Variants in PANK2 observed in about 807,000 individuals in gnomAD.
The protein encoded by PANK2 is pantothenate kinase 2, mitochondrial.
Under a neutral mutation model 43.1 loss-of-function variants are expected in PANK2, and 36 were observed. The observed-to-expected ratio is 0.84, with a 90% CI of 0.64 to 1.10. The LOEUF (loss-of-function observed/expected upper bound fraction) is 1.10. Among genes scored for constraint, PANK2 ranks in the 50% least tolerant of loss-of-function variants. The pLI is 0.00. For synonymous variants in PANK2, 281 were observed against 238.2 expected (o/e 1.18, Z -1.66); for missense variants, 576 against 593.3 (o/e 0.97, Z 0.30).
intron 3 of PANK2, among the ~76,000 whole-genome samples, chr20:3,911,667 G>A (rs1196779668): frequency 6.6e-6 from 1 of 151,564 alleles, no homozygotes; most frequent in African/African-American, 2.4e-5. Flanking sequence ...CGAGGCGGGT[G>A]GATCACCAGA....
At chr20:3,901,766 CTT>C (rs1265075482) in intron 1 of PANK2, 4 of 256,480 alleles carry the variant, frequency 1.6e-5, no homozygotes, top group Non-Finnish European at 2.4e-5. Flanking sequence ...TAGAGAAGGT[CTT>C]TGAAAAGTAA....
chr20:3,926,488 G>T lies in PANK2; in HGVS notation c.*3194G>T, dbSNP rs2090721836. On this transcript the variant is annotated 3_prime_UTR_variant, in exon 7 of 7. Coordinates refer to ENST00000610179, the MANE Select transcript of PANK2 (RefSeq NM_001386393.1). ...GAAGCTGGGAAGCCACTCGGTCCTA[G>T]TGAGGGGTGGTGAGGAGAGCAGCAA... 6.6e-6 allele frequency: 1 copy of T among 152,340 alleles called. No individual in the cohort carries two copies. The highest frequency in any genetic ancestry group is 1.5e-5 in the Non-Finnish European group (1 of 68,130). 9.4% of individuals were successfully genotyped at this position (152,340 alleles called of 1,614,324 possible).
At chr20:3,913,888 A>C (rs1285370234) in intron 4 of PANK2, among the ~76,000 whole-genome samples, 1 of 150,246 alleles carries the variant, frequency 6.7e-6, no homozygotes, top group Non-Finnish European at 1.5e-5. Context: ...TCCTGGGTTC[A>C]TGCCATTCTT....
intron 5 of PANK2, chr20:3,917,585 C>T (rs6139239): frequency 3.9e-6 from 2 of 514,258 alleles, no homozygotes; most frequent in African/African-American, 3.9e-5. Flanking sequence ...ATGGGCTGCC[C>T]TTGGGAAAAG....
chr20:3,927,538 G>A lies in PANK2; in HGVS notation c.*4244G>A, dbSNP rs1301308580. ...AGCATTTCATAAACCTTTTTTTGAG[G>A]GAGTTACACAATACCTAGTGAGGAA... On this transcript the variant is annotated 3_prime_UTR_variant, in exon 7 of 7. Coordinates refer to ENST00000610179, the MANE Select transcript of PANK2 (RefSeq NM_001386393.1). 1 of 151,976 alleles carries A rather than the reference G, an allele frequency of 6.6e-6. No homozygotes were observed. The highest frequency in any genetic ancestry group is 2.4e-5 in the African/African-American group (1 of 41,394). The allele number at this position is 151,976 out of a possible 1,614,324, so 9.4% of individuals were successfully genotyped here. A position where few individuals can be genotyped will look rare whatever the true frequency, so the allele number is the denominator to read the frequency against.
At position 3,909,432 on chromosome 20, in the gene PANK2, T is replaced by C. The variant is rs529218995; in HGVS notation, c.652-1145T>C. ...TTTTAGTAGAGATGGGGTTTCACCA[T>C]GTTGTCCAGGCTGGTCTGGAACACC... On this transcript the variant is annotated intron_variant, in intron 2 of 6. Coordinates refer to ENST00000610179, the MANE Select transcript of PANK2 (RefSeq NM_001386393.1). 2.0e-3 allele frequency among the ~76,000 whole-genome samples: 307 copies of C among 152,296 alleles called. 2 individuals carry two copies. Among genetic ancestry groups the C allele is most frequent in the Admixed American group, 3.4e-3 (52 of 15,290 alleles).
intron 1 of PANK2, chr20:3,889,994 T>G: frequency 2.2e-6 from 3 of 1,374,990 alleles, no homozygotes; most frequent in Non-Finnish European, 9.8e-7. Flanking sequence ...TCCCTTTTCT[T>G]AGCTCCTTGG....
intron 1 of PANK2, among the ~76,000 whole-genome samples, chr20:3,906,932 G>A (rs186719164): frequency 4.9e-4 from 75 of 151,914 alleles, no homozygotes; most frequent in Admixed American, 1.2e-3. Context: ...CGGAGTAGCT[G>A]GGACTACAAG....
intron 6 of PANK2, chr20:3,921,598 CTG>C (rs1424026373): frequency 6.6e-6 from 1 of 152,218 alleles, no homozygotes; most frequent in Non-Finnish European, 1.5e-5. Flanking sequence ...AGCCTTGCCT[CTG>C]TATTTCAGCT....
At chr20:3,904,004 C>G (rs543541351) in intron 1 of PANK2, among the ~76,000 whole-genome samples, 48 of 151,806 alleles carry the variant, frequency 3.2e-4, no homozygotes, top group African/African-American at 1.1e-3. Flanking sequence ...CCATATTGGT[C>G]AGGCTGCTCT....
intron 1 of PANK2, among the ~76,000 whole-genome samples, chr20:3,902,926 A>G (rs1332130542): frequency 1.3e-5 from 2 of 151,246 alleles, no homozygotes; most frequent in Non-Finnish European, 2.9e-5. Flanking sequence ...AATAAACTGC[A>G]TCCATTTAAA....
chr20:3,904,501 A>G (rs1212825543), intron 1 of PANK2, among the ~76,000 whole-genome samples: 1 of 150,744 alleles, frequency 6.6e-6, no homozygotes, highest in Admixed American at 6.9e-5. Context: ...CAGGAGTTCA[A>G]GGTTACAGTC....
chr20:3,899,525 A>G (rs1476149313), intron 1 of PANK2, among the ~76,000 whole-genome samples: 1 of 149,360 alleles, frequency 6.7e-6, no homozygotes, highest in East Asian at 2.0e-4. Flanking sequence ...CCACCTTATT[A>G]GCCATGATAT....
At chr20:3,900,990 G>A (rs928203779) in intron 1 of PANK2, among the ~76,000 whole-genome samples, 7 of 151,506 alleles carry the variant, frequency 4.6e-5, no homozygotes, top group African/African-American at 1.2e-4. Context: ...GGCTGGTCTC[G>A]AACTCATGAC....
At chr20:3,918,818 G>A in intron 6 of PANK2, 22 bp downstream of exon 6, 8 of 1,614,110 alleles carry the variant, frequency 5.0e-6, no homozygotes, top group Non-Finnish European at 6.8e-6. Context: ...TGTTCGTTGT[G>A]GTATATTATG....
chr20:3,907,771 A>G (rs1201471923), intron 1 of PANK2, among the ~76,000 whole-genome samples, 155 bp from the exon 2 acceptor site: 1 of 152,074 alleles, frequency 6.6e-6, no homozygotes, highest in Non-Finnish European at 1.5e-5. Context: ...ATGCATCTAA[A>G]TCAAGACAGA....
intron 1 of PANK2, among the ~76,000 whole-genome samples, chr20:3,890,735 C>T (rs2090110232): frequency 6.6e-6 from 1 of 152,180 alleles, no homozygotes; most frequent in African/African-American, 2.4e-5. Flanking sequence ...GCCCAGTCAC[C>T]CAACTGCTTT....
At position 3,913,951 on chromosome 20, in the gene PANK2, G is replaced by A. The variant is rs529491065; in HGVS notation, c.1082+1317G>A. Reference sequence around the variant, plus strand: ...CTACAGGTGCCTGCCACCACGCCCGGCTATTTTTTTTGTATTTTTAGCAGA... The same window carrying A: ...CTACAGGTGCCTGCCACCACGCCCGACTATTTTTTTTGTATTTTTAGCAGA... On this transcript the variant is annotated intron_variant, in intron 4 of 6. Coordinates refer to ENST00000610179, the MANE Select transcript of PANK2 (RefSeq NM_001386393.1). Among the ~76,000 whole-genome samples the A allele has an allele frequency of 2.6e-5, 4 of 151,828 alleles. No individual in the cohort carries two copies. In the South Asian group the frequency reaches 8.3e-4, roughly 32 times the overall value.
At chr20:3,913,775 C>T (rs6116093) in intron 4 of PANK2, among the ~76,000 whole-genome samples, 32,923 of 123,906 alleles carry the variant, frequency 0.27, 4,520 homozygotes, top group African/African-American at 0.3. Flanking sequence ...CACACACACA[C>T]ATATATATAT....
Sources: gnomAD v4.1 joint callset for allele counts (sites outside exome capture counted in the v4.1 genomes callset) on GRCh38, gnomAD v4.1.1 for gene constraint, MANE v1.5 for transcripts, NCBI Gene and HGNC (gene_info 2026-07-23, HGNC 2026-07-21) for gene names.